The following ZDHHC3 variants were observed in gnomAD, a reference collection of about 807,000 sequenced individuals.
ZDHHC3 encodes palmitoyltransferase ZDHHC3.
ZDHHC3 carries 9 observed loss-of-function variants against 30.6 expected under a neutral mutation model. The observed-to-expected ratio is 0.29, with a 90% CI of 0.18 to 0.51. The LOEUF (loss-of-function observed/expected upper bound fraction) is 0.51, where lower values mean the gene tolerates loss of function less well. ZDHHC3 is among the 20% of genes least tolerant of loss of function. The pLI is 0.97. For missense variants in ZDHHC3, 246 were observed against 384.2 expected, an observed-to-expected ratio of 0.64 and a Z score of 3.01; for synonymous variants, 136 against 140.2, an observed-to-expected ratio of 0.97 and a Z score of 0.21.
chr3:44,929,844 G>A (rs1701338841), intron 5 of ZDHHC3, among the ~76,000 whole-genome samples: 2 of 152,226 alleles, frequency 1.3e-5, no homozygotes, highest in African/African-American at 4.8e-5. Context: ...GGCCTGTCCA[G>A]TCCTGCTATG....
rs183778304 is a variant in ZDHHC3, at chr3:44,922,221, C to G, written c.*4468G>C. Reference sequence around the variant, plus strand: ...AGCCACATGGGTGTTGAAACCCACACGTAGAAAGCAAAGGTCAAGACGTGT... The same window carrying G: ...AGCCACATGGGTGTTGAAACCCACAGGTAGAAAGCAAAGGTCAAGACGTGT... On this transcript the variant is annotated 3_prime_UTR_variant, in exon 7 of 7. Coordinates refer to ENST00000424952, the MANE Select transcript of ZDHHC3 (RefSeq NM_001135179.2). 5.1e-6 allele frequency: 5 copies of G among 985,330 alleles called. No individual in the cohort carries two copies. Among genetic ancestry groups the G allele is most frequent in the South Asian group, 4.7e-5 (1 of 21,286 alleles). 61.0% of individuals were successfully genotyped at this position (985,330 alleles called of 1,614,324 possible). A position where few individuals can be genotyped will look rare whatever the true frequency, so the allele number is the denominator to read the frequency against.
intron 3 of ZDHHC3, 84 bp downstream of exon 3, chr3:44,945,084 G>T: frequency 6.3e-7 from 1 of 1,591,696 alleles, no homozygotes; most frequent in Non-Finnish European, 8.6e-7. Flanking sequence ...GGAAGTGTGT[G>T]CTACTCCAGG....
At chr3:44,975,764 T>TCACACACACA (rs1335553619) in intron 1 of ZDHHC3, among the ~76,000 whole-genome samples, 169 bp downstream of exon 1, 2 of 144,034 alleles carry the variant, frequency 1.4e-5, no homozygotes, top group African/African-American at 5.6e-5. Flanking sequence ...TCTCTCTCTC[T>TCACACACACA]CTCTCTCTCA....
In ZDHHC3 at chr3:44,933,138, C is replaced by T. The variant is rs1470583577; in HGVS notation, c.590G>A (p.Cys197Tyr). 6.2e-7 allele frequency: 1 copy of T among 1,614,180 alleles called. No homozygotes were observed. The highest frequency in any genetic ancestry group is 2.2e-5 in the East Asian group (1 of 44,890). Reference protein sequence around the residue: ...LIMVGFHFLHCFEEDWTKCSS... With the variant: ...LIMVGFHFLHYFEEDWTKCSS... ...CTCACTTGTCCAATCTTCTTCAAAG[C>T]AATGCAGGAAGTGGAATCCCACCAT... The change falls in exon 5 of 7, where the codon TGC becomes TAC. Residue 197 changes from cysteine (C) to tyrosine (Y), a missense_variant. By Grantham distance (194) the Cys-to-Tyr change is radical. Coordinates refer to ENST00000424952, the MANE Select transcript of ZDHHC3 (RefSeq NM_001135179.2).
chr3:44,969,806 C>G (rs1290775060), intron 1 of ZDHHC3: 1 of 152,220 alleles, frequency 6.6e-6, no homozygotes, highest in Non-Finnish European at 1.5e-5. Flanking sequence ...AAGCCTCAGC[C>G]AGAAGAGTCA....
At chr3:44,938,953 G>A (rs758185788) in intron 3 of ZDHHC3, among the ~76,000 whole-genome samples, 39 of 152,200 alleles carry the variant, frequency 2.6e-4, no homozygotes, top group Non-Finnish European at 4.4e-4. Flanking sequence ...TGGCTAACTC[G>A]GAGCCTCTAG....
chr3:44,926,761 G>A lies in ZDHHC3; in HGVS notation c.828C>T (p.Phe276=). 6.2e-7 allele frequency: 1 copy of A among 1,614,048 alleles called. No individual in the cohort carries two copies. Among genetic ancestry groups the A allele is most frequent in the South Asian group, 1.1e-5 (1 of 91,058 alleles). ...CAAAGGGGCTGGCCCAGCCTAGAGA[G>A]AAGGGGTGGCCAAAAACGGCTTTCA... ...MNMKAVFGHP[F]SLGWASPFAT... Residue 276 remains phenylalanine, a synonymous_variant, in exon 7 of 7, where the codon TTC becomes TTT. Coordinates refer to ENST00000424952, the MANE Select transcript of ZDHHC3 (RefSeq NM_001135179.2).
Position 44,926,099 on chromosome 3 carries a change from A to C in ZDHHC3, c.*590T>G, listed in dbSNP as rs1700965077. 1.0e-6 allele frequency: 1 copy of C among 985,776 alleles called. No homozygotes were observed. The highest frequency in any genetic ancestry group is 1.2e-6 in the Non-Finnish European group (1 of 829,974). The allele number at this position is 985,776 out of a possible 1,614,324, so 61.1% of individuals were successfully genotyped here. A position where few individuals can be genotyped will look rare whatever the true frequency, so the allele number is the denominator to read the frequency against. ...TACACACCCCAAGCCCATAAAGTAC[A>C]AGGCAGGCAATTGCTTTGCGAGTTA... On this transcript the variant is annotated 3_prime_UTR_variant, in exon 7 of 7. Coordinates refer to ENST00000424952, the MANE Select transcript of ZDHHC3 (RefSeq NM_001135179.2).
At chr3:44,961,537 T>G (rs1704481934) in intron 1 of ZDHHC3, among the ~76,000 whole-genome samples, 2 of 152,134 alleles carry the variant, frequency 1.3e-5, no homozygotes, top group South Asian at 4.1e-4. Flanking sequence ...CTAAATGCAT[T>G]AAAAGATGCA....
Position 44,925,372 on chromosome 3 carries a change from T to TA in ZDHHC3, c.*1316dup. 1 of 985,816 alleles carries TA rather than the reference T, an allele frequency of 1.0e-6. No individual in the cohort carries two copies. The highest frequency in any genetic ancestry group is 1.2e-6 in the Non-Finnish European group (1 of 829,936). 61.1% of individuals were successfully genotyped at this position (985,816 alleles called of 1,614,324 possible). On this transcript the variant is annotated 3_prime_UTR_variant, in exon 7 of 7. Transcript: ENST00000424952. ...AAAAAGGGGGTTTCTGGCAATTGCT[T>TA]AAAAAACAAATCAATGTGTGAGAAT...
intron 4 of ZDHHC3, 33 bp downstream of exon 4, chr3:44,933,855 G>T (rs1321346679): frequency 6.3e-7 from 1 of 1,587,824 alleles, no homozygotes. Flanking sequence ...ATTGCTTCAT[G>T]GGGGGCAGGG....
chr3:44,933,392 A>G, intron 4 of ZDHHC3, 193 bp from the exon 5 acceptor site: 1 of 612,572 alleles, frequency 1.6e-6, no homozygotes, highest in South Asian at 2.0e-5. Flanking sequence ...TCAAGTGAGC[A>G]GCCACCTCCG....
At chr3:44,972,793 G>T (rs1163878291) in intron 1 of ZDHHC3, among the ~76,000 whole-genome samples, 1 of 152,162 alleles carries the variant, frequency 6.6e-6, no homozygotes. Context: ...TTTTAGGCAG[G>T]TGTTGTGTTT....
At chr3:44,945,712 C>T (rs1702868735) in intron 2 of ZDHHC3, among the ~76,000 whole-genome samples, 2 of 151,944 alleles carry the variant, frequency 1.3e-5, no homozygotes, top group Admixed American at 6.6e-5. Flanking sequence ...TGCTCGCCAC[C>T]ACGCCCAGCT....
At chr3:44,958,087 C>T (rs962329838) in intron 2 of ZDHHC3, among the ~76,000 whole-genome samples, 1 of 152,160 alleles carries the variant, frequency 6.6e-6, no homozygotes, top group Non-Finnish European at 1.5e-5. Flanking sequence ...GCATGCAGTG[C>T]TAAATACTAG....
chr3:44,923,837 A>G lies in ZDHHC3; in HGVS notation c.*2852T>C, dbSNP rs968736048. ...AGAGGAAGTACAGTATGAAGAAGAC[A>G]AAATGGTGGGACTAAAAGGAGATTT... On this transcript the variant is annotated 3_prime_UTR_variant, in exon 7 of 7. Coordinates refer to ENST00000424952, the MANE Select transcript of ZDHHC3 (RefSeq NM_001135179.2). The G allele has an allele frequency of 4.1e-5, 40 of 985,296 alleles. No individual in the cohort carries two copies. In the African/African-American group the frequency reaches 6.6e-4, roughly 16 times the overall value. The allele number at this position is 985,296 out of a possible 1,614,324, so 61.0% of individuals were successfully genotyped here. A position where few individuals can be genotyped will look rare whatever the true frequency, so the allele number is the denominator to read the frequency against.
chr3:44,926,249 C>T lies in ZDHHC3; in HGVS notation c.*440G>A. The T allele has an allele frequency of 1.0e-6, 1 of 987,022 alleles. No individual in the cohort carries two copies. The highest frequency in any genetic ancestry group is 1.2e-6 in the Non-Finnish European group (1 of 831,036). 61.1% of individuals were successfully genotyped at this position (987,022 alleles called of 1,614,324 possible). On this transcript the variant is annotated 3_prime_UTR_variant, in exon 7 of 7. Coordinates refer to ENST00000424952, the MANE Select transcript of ZDHHC3 (RefSeq NM_001135179.2). ...TGAGGTTTTATGTCCCATCGGGGAG[C>T]CCGCCACTGCCTCCTGGGCAGTGGG... is the stretch of plus-strand genomic sequence containing the variant.
chr3:44,928,674 T>A (rs1002383344), intron 6 of ZDHHC3, among the ~76,000 whole-genome samples: 14 of 151,810 alleles, frequency 9.2e-5, no homozygotes, highest in East Asian at 5.8e-4. Flanking sequence ...ACCAAGGGAG[T>A]AGGCCCCAGT....
intron 1 of ZDHHC3, among the ~76,000 whole-genome samples, chr3:44,965,633 A>G (rs1474350680): frequency 6.6e-6 from 1 of 151,914 alleles, no homozygotes; most frequent in African/African-American, 2.4e-5. Flanking sequence ...CCAAAACAAA[A>G]CCCTGACCCA....
Sources: allele counts gnomAD v4.1 joint callset (sites outside exome capture counted in the v4.1 genomes callset), GRCh38; gene constraint gnomAD v4.1.1; transcripts MANE v1.5; gene names NCBI Gene and HGNC (gene_info 2026-07-23, HGNC 2026-07-21).